DENND4C: variants seen among roughly 807,000 people sequenced by gnomAD.
DENND4C encodes the protein DENN domain-containing protein 4C.
DENND4C carries 108 observed loss-of-function variants against 203.0 expected under a neutral mutation model. The observed-to-expected ratio is 0.53, with a 90% CI of 0.46 to 0.62. The LOEUF (loss-of-function observed/expected upper bound fraction) is 0.62, where lower values mean the gene tolerates loss of function less well. Ranked by LOEUF, DENND4C falls within the 20% of genes least tolerant of loss-of-function variation. The pLI is 0.00. For synonymous variants in DENND4C, 871 were observed against 792.4 expected, an observed-to-expected ratio of 1.10 and a Z score of -1.67; for missense variants, 2,481 against 2,301.2, an observed-to-expected ratio of 1.08 and a Z score of -1.60.
At chr9:19,337,758 T>G in intron 20 of DENND4C, 2 of 739,224 alleles carry the variant, frequency 2.7e-6, no homozygotes, top group Non-Finnish European at 4.0e-6. Flanking sequence ...TTGTTTTGAG[T>G]GGTAAACAGT....
rs192506427 is a variant in DENND4C at position 19,330,097 on chromosome 9, G to C, written c.2254-1881G>C. Among the ~76,000 whole-genome samples the C allele has an allele frequency of 7.6e-4, 116 of 152,166 alleles. 3 individuals carry two copies. In the Middle Eastern group the frequency reaches 0.01, roughly 13 times the overall value. On this transcript the variant is annotated intron_variant, in intron 16 of 32. Transcript: ENST00000434457. ...CATATTTCTTTCAATGTTGTCTGAA[G>C]AGAATACTAAAGAATTTTTTTTTAC...
rs1487855825 is a variant in DENND4C at position 19,265,124 on chromosome 9, C to T, written c.-17-11034C>T. 4.6e-5 allele frequency among the ~76,000 whole-genome samples: 7 copies of T among 152,244 alleles called. No homozygotes were observed. The South Asian group carries it at 8.3e-4, about 18-fold the overall frequency. On this transcript the variant is annotated intron_variant, in intron 1 of 32. Transcript: ENST00000434457. ...TGACCTCTTGGGCTCAGGAGATTCT[C>T]CCACCTCAGCCTCCTAAATAGCTGG...
At chr9:19,271,317 A>C (rs1231830473) in intron 1 of DENND4C, among the ~76,000 whole-genome samples, 1 of 150,584 alleles carries the variant, frequency 6.6e-6, no homozygotes, top group African/African-American at 2.5e-5. Context: ...CTCATGCCTC[A>C]GCGTCCCGAG....
intron 5 of DENND4C, among the ~76,000 whole-genome samples, chr9:19,293,056 T>C (rs1836704057): frequency 6.6e-6 from 1 of 152,222 alleles, no homozygotes; most frequent in Admixed American, 6.5e-5. Context: ...AAGGTCAATA[T>C]TATATTAACT....
chr9:19,345,936 T>A lies in DENND4C; in HGVS notation c.3167T>A (p.Val1056Glu). The change falls in exon 23 of 33, where the codon GTG becomes GAG. Residue 1056 changes from valine (V) to glutamate (E), a missense_variant. Physicochemically the swap from Val to Glu is moderately radical, Grantham distance 121. Coordinates refer to ENST00000434457, the MANE Select transcript of DENND4C (RefSeq NM_001330640.2). ...RKSSTGSISN[V>E]LFSTQDPVED... Reference sequence around the variant, plus strand: ...TCCCTTTTAGGTAGTATATCAAATGTGCTGTTTTCTACTCAAGATCCAGTT... The same window carrying A: ...TCCCTTTTAGGTAGTATATCAAATGAGCTGTTTTCTACTCAAGATCCAGTT... 6.2e-7 allele frequency: 1 copy of A among 1,611,486 alleles called. No individual in the cohort carries two copies. The highest frequency in any genetic ancestry group is 8.5e-7 in the Non-Finnish European group (1 of 1,178,890).
At chr9:19,355,430 A>T (rs1372910327) in intron 26 of DENND4C, among the ~76,000 whole-genome samples, 1 of 152,120 alleles carries the variant, frequency 6.6e-6, no homozygotes, top group African/African-American at 2.4e-5. Flanking sequence ...TTTGATGTTT[A>T]GGTCTTTAAT....
intron 16 of DENND4C, among the ~76,000 whole-genome samples, chr9:19,331,415 C>T (rs7851119): frequency 6.6e-5 from 10 of 152,034 alleles, no homozygotes; most frequent in South Asian, 4.1e-4. Context: ...GTTGGCCAGG[C>T]TGGTCTTGAT....
intron 1 of DENND4C, among the ~76,000 whole-genome samples, chr9:19,258,238 A>G (rs1007413006): frequency 6.6e-6 from 1 of 152,212 alleles, no homozygotes; most frequent in Non-Finnish European, 1.5e-5. Context: ...ATAAAGATCC[A>G]GACTCATGTA....
At chr9:19,245,910 A>G (rs1825124608) in intron 1 of DENND4C, among the ~76,000 whole-genome samples, 1 of 151,446 alleles carries the variant, frequency 6.6e-6, no homozygotes, top group African/African-American at 2.4e-5. Flanking sequence ...TTCCTTTTCT[A>G]CTAACTCACA....
chr9:19,324,324 T>C (rs1380642791), intron 12 of DENND4C, 38 bp from the exon 13 acceptor site: 2 of 1,518,278 alleles, frequency 1.3e-6, no homozygotes, highest in African/African-American at 2.8e-5. Context: ...CGAATTCCAG[T>C]TTAAAATTTG....
chr9:19,364,844 G>A (rs368893508), intron 30 of DENND4C, among the ~76,000 whole-genome samples: 183 of 152,010 alleles, frequency 1.2e-3, no homozygotes, highest in African/African-American at 4.2e-3. Flanking sequence ...GCAGTGAGCC[G>A]AGATCGTGCC....
At chr9:19,338,835 G>T (rs1363516507) in intron 20 of DENND4C, among the ~76,000 whole-genome samples, 4 of 152,132 alleles carry the variant, frequency 2.6e-5, no homozygotes, top group Non-Finnish European at 5.9e-5. Context: ...TTTGTTGTAT[G>T]GCAAACCCAG....
At chr9:19,347,290 C>A (rs994973447) in intron 23 of DENND4C, among the ~76,000 whole-genome samples, 1 of 152,080 alleles carries the variant, frequency 6.6e-6, no homozygotes, top group Non-Finnish European at 1.5e-5. Flanking sequence ...GCCACCATGC[C>A]CAGCTAATTT....
chr9:19,288,604 C>T lies in DENND4C; in HGVS notation c.567C>T (p.Ser189=), dbSNP rs1835673688. The T allele has an allele frequency of 1.6e-6, 2 of 1,231,246 alleles. No individual in the cohort carries two copies. The highest frequency in any genetic ancestry group is 2.0e-6 in the Non-Finnish European group (2 of 987,534). 76.3% of individuals were successfully genotyped at this position (1,231,246 alleles called of 1,614,324 possible). The stretch of plus-strand genomic sequence containing the variant: ...TAATTCATGTTTTACAGTGGGGTTC[C>T]AGCGTGTTTCTGTGTTATAAGAAGT... ...DKNLNCGMWG[S]SVFLCYKKSV... The change falls in exon 4 of 33, where the codon TCC becomes TCT. Residue 189 remains serine, a synonymous_variant. Coordinates refer to ENST00000434457, the MANE Select transcript of DENND4C (RefSeq NM_001330640.2).
intron 1 of DENND4C, among the ~76,000 whole-genome samples, chr9:19,266,050 G>C (rs1003871023): frequency 6.6e-5 from 10 of 152,156 alleles, no homozygotes; most frequent in Non-Finnish European, 1.0e-4. Context: ...CACAATGGTT[G>C]AACTAGTTTA....
At chr9:19,273,432 G>T (rs1832191158) in intron 1 of DENND4C, among the ~76,000 whole-genome samples, 1 of 151,944 alleles carries the variant, frequency 6.6e-6, no homozygotes, top group South Asian at 2.1e-4. Flanking sequence ...AAGAGAATAG[G>T]TTAATAAATT....
chr9:19,317,182 T>C (rs1325533192), intron 12 of DENND4C, among the ~76,000 whole-genome samples: 5 of 73,576 alleles, frequency 6.8e-5, no homozygotes, highest in African/African-American at 2.0e-4. Flanking sequence ...ATTTGTACAC[T>C]TTTTTTTTTT....
At chr9:19,353,145 G>A (rs12003281) in intron 26 of DENND4C, among the ~76,000 whole-genome samples, 3 of 152,074 alleles carry the variant, frequency 2.0e-5, no homozygotes, top group African/African-American at 4.8e-5. Context: ...TCACTTGCAC[G>A]TCCTAGTAGT....
chr9:19,350,203 C>T (rs904976353), intron 23 of DENND4C, among the ~76,000 whole-genome samples: 3 of 152,090 alleles, frequency 2.0e-5, no homozygotes, highest in African/African-American at 7.2e-5. Context: ...ATTCAGATTC[C>T]CAGCCGAAAT....
Sources: allele counts gnomAD v4.1 joint callset (sites outside exome capture counted in the v4.1 genomes callset), GRCh38; gene constraint gnomAD v4.1.1; transcripts MANE v1.5; gene names NCBI Gene and HGNC (gene_info 2026-07-23, HGNC 2026-07-21).